The following DNAJC10 variants were observed in gnomAD, a reference collection of about 807,000 sequenced individuals.
DNAJC10 encodes the protein DnaJ heat shock protein family (Hsp40) member C10, also known as endoplasmic reticulum disulfide reductase DNAJC10.
In DNAJC10, 101 loss-of-function variants were observed where a neutral mutation model predicts 115.0. That is an observed-to-expected ratio of 0.88 (90% CI 0.75 to 1.04). DNAJC10 has a LOEUF of 1.04. Ranked by LOEUF, DNAJC10 falls within the 50% of genes least tolerant of loss-of-function variation. The probability of loss-of-function intolerance (pLI) is 0.00; values close to 1 mark genes in which losing one functional copy is unlikely to be tolerated. For synonymous variants in DNAJC10, 307 were observed against 301.5 expected, an observed-to-expected ratio of 1.02 and a Z score of -0.19; for missense variants, 981 against 928.8, an observed-to-expected ratio of 1.06 and a Z score of -0.73.
chr2:182,728,993 T>A lies in DNAJC10; in HGVS notation c.632T>A (p.Met211Lys). The A allele has an allele frequency of 1.3e-5, 21 of 1,613,886 alleles. No individual in the cohort carries two copies. The highest frequency in any genetic ancestry group is 1.8e-5 in the Non-Finnish European group (21 of 1,179,868). Residue 211 changes from methionine to lysine, a missense_variant and splice_region_variant, in exon 7 of 24, where the codon ATG becomes AAG. Physicochemically the swap from Met to Lys is moderately conservative, Grantham distance 95. Coordinates refer to ENST00000264065, the MANE Select transcript of DNAJC10 (RefSeq NM_018981.4). Reference sequence around the variant, plus strand: ...AGCCTCTTCATTTTTCGGTCTGGAATGGTAAGGGATAAAGTTAGCATTTTT... The same window carrying A: ...AGCCTCTTCATTTTTCGGTCTGGAAAGGTAAGGGATAAAGTTAGCATTTTT... ...YPSLFIFRSG[M>K]APVKYHGDRS...
At chr2:182,727,646 C>T (rs926839792) in intron 5 of DNAJC10, among the ~76,000 whole-genome samples, 3 of 152,110 alleles carry the variant, frequency 2.0e-5, no homozygotes, top group South Asian at 4.1e-4. Flanking sequence ...CTGAGTCCTG[C>T]ACCTGTTTCT....
intron 14 of DNAJC10, among the ~76,000 whole-genome samples, chr2:182,751,036 A>G (rs1187633311): frequency 6.6e-6 from 1 of 152,062 alleles, no homozygotes; most frequent in Non-Finnish European, 1.5e-5. Context: ...AGGCCATAGT[A>G]ATCACTGAAG....
intron 10 of DNAJC10, among the ~76,000 whole-genome samples, chr2:182,734,087 ATT>A (rs56088505): frequency 7.0e-6 from 1 of 142,724 alleles, no homozygotes. Context: ...AGCTTTATTG[ATT>A]TTTTTTTTTT....
chr2:182,737,258 T>C (rs1404023829), intron 11 of DNAJC10, among the ~76,000 whole-genome samples: 1 of 152,170 alleles, frequency 6.6e-6, no homozygotes, highest in African/African-American at 2.4e-5. Flanking sequence ...ATTGGATGGG[T>C]CACTACGGAA....
At chr2:182,759,487 C>T (rs1234919109) in intron 21 of DNAJC10, among the ~76,000 whole-genome samples, 180 bp downstream of exon 21, 3 of 151,998 alleles carry the variant, frequency 2.0e-5, no homozygotes, top group Non-Finnish European at 4.4e-5. Flanking sequence ...TTTGTTAAAG[C>T]TTTTAGCTAA....
intron 9 of DNAJC10, 27 bp downstream of exon 9, chr2:182,731,134 A>C: frequency 6.5e-7 from 1 of 1,548,668 alleles, no homozygotes; most frequent in Non-Finnish European, 8.9e-7. Context: ...ATTTTGTTGG[A>C]ATGAGAACAT....
chr2:182,720,280 C>T, intron 4 of DNAJC10, 111 bp downstream of exon 4: 2 of 868,554 alleles, frequency 2.3e-6, no homozygotes, highest in Non-Finnish European at 3.7e-6. Flanking sequence ...TTGATTAGCT[C>T]CTTTTAATTT....
At chr2:182,742,280 G>GT (rs750669813) in intron 13 of DNAJC10, among the ~76,000 whole-genome samples, 1 of 152,110 alleles carries the variant, frequency 6.6e-6, no homozygotes, top group Non-Finnish European at 1.5e-5. Context: ...AGCCTCATGG[G>GT]TTCAAGTGAT....
intron 5 of DNAJC10, among the ~76,000 whole-genome samples, chr2:182,724,210 A>G (rs1693225543): frequency 6.6e-6 from 1 of 152,186 alleles, no homozygotes; most frequent in Admixed American, 6.6e-5. Flanking sequence ...AAATCACTTT[A>G]TTTGAAAAGA....
At position 182,775,308 on chromosome 2, in the gene DNAJC10, A is replaced by G; in HGVS notation, c.2266-8A>G. On this transcript the variant is annotated splice_polypyrimidine_tract_variant and splice_region_variant and intron_variant, in intron 22 of 23. Coordinates refer to ENST00000264065, the MANE Select transcript of DNAJC10 (RefSeq NM_018981.4). ...TACTTAAAAGATAACAAGTGTTTTT[A>G]ATTTTAGAGAAATTTTCAAGAAGAG... is the stretch of plus-strand genomic sequence containing the variant. 1 of 1,553,886 alleles carries G rather than the reference A, an allele frequency of 6.4e-7. No homozygotes were observed. Among genetic ancestry groups the G allele is most frequent in the Non-Finnish European group, 8.9e-7 (1 of 1,128,826 alleles).
chr2:182,750,811 C>T (rs975385210), intron 14 of DNAJC10, among the ~76,000 whole-genome samples: 1 of 152,122 alleles, frequency 6.6e-6, no homozygotes, highest in Non-Finnish European at 1.5e-5. Flanking sequence ...ACAGCCACAC[C>T]ATCACTGAGC....
chr2:182,722,036 G>T lies in DNAJC10; in HGVS notation c.379G>T (p.Asp127Tyr). 1 of 1,543,492 alleles carries T rather than the reference G, an allele frequency of 6.5e-7. No homozygotes were observed. The highest frequency in any genetic ancestry group is 1.2e-5 in the South Asian group (1 of 80,238). ...YYRYDFGIYD[D>Y]DPEIITLERR... ...ACTTTTAAAATTAGGTATTTATGAT[G>T]ATGATCCTGAAATCATAACATTGGA... Residue 127 changes from aspartate (D) to tyrosine (Y), a missense_variant, in exon 5 of 24, where the codon GAT becomes TAT. Physicochemically the swap from Asp to Tyr is radical, Grantham distance 160 (BLOSUM62 -3). Coordinates refer to ENST00000264065, the MANE Select transcript of DNAJC10 (RefSeq NM_018981.4).
At position 182,781,364 on chromosome 2, in the gene DNAJC10, T is replaced by A. The variant is rs1229416786; in HGVS notation, c.*4232T>A. On this transcript the variant is annotated 3_prime_UTR_variant, in exon 24 of 24. Transcript: ENST00000264065. ...CCCGTTTCTTTATCCAGTCTAACAT[T>A]GATGGGCATTTTGGTTGGTTCCAAG... The A allele has an allele frequency of 2.0e-5, 3 of 152,216 alleles. No homozygotes were observed. Among genetic ancestry groups the A allele is most frequent in the African/African-American group, 7.2e-5 (3 of 41,448 alleles). The allele number at this position is 152,216 out of a possible 1,614,324, so 9.4% of individuals were successfully genotyped here.
chr2:182,769,828 A>C (rs1694513914), intron 22 of DNAJC10, among the ~76,000 whole-genome samples: 1 of 151,874 alleles, frequency 6.6e-6, no homozygotes, highest in South Asian at 2.1e-4. Context: ...GTTTAATTAG[A>C]TCCCATTTGT....
chr2:182,734,142 C>T (rs1429518319), intron 10 of DNAJC10, among the ~76,000 whole-genome samples: 12 of 146,068 alleles, frequency 8.2e-5, no homozygotes, highest in Non-Finnish European at 1.2e-4. Context: ...CACTATATTT[C>T]CTTCCCTCTA....
intron 14 of DNAJC10, 77 bp downstream of exon 14, chr2:182,743,789 CTT>C: frequency 9.5e-7 from 1 of 1,050,964 alleles, no homozygotes. Context: ...GCTTTTTAAA[CTT>C]ATTTTTTACG....
In DNAJC10 at chr2:182,794,393, G is replaced by A. The variant is rs779702285; in HGVS notation, c.*17261G>A. 6.6e-6 allele frequency: 1 copy of A among 152,168 alleles called. No homozygotes were observed. The highest frequency in any genetic ancestry group is 2.4e-5 in the African/African-American group (1 of 41,442). 9.4% of individuals were successfully genotyped at this position (152,168 alleles called of 1,614,324 possible). ...ATGTCATTCTAGATTTGATTCTACTGTTTGTCTTTGCAGTGAGCTATGTTT... is the reference window on the plus strand; with the variant it reads ...ATGTCATTCTAGATTTGATTCTACTATTTGTCTTTGCAGTGAGCTATGTTT... On this transcript the variant is annotated 3_prime_UTR_variant, in exon 24 of 24. Coordinates refer to ENST00000264065, the MANE Select transcript of DNAJC10 (RefSeq NM_018981.4).
rs1694021499 is a variant in DNAJC10 at position 182,751,659 on chromosome 2, A to T, written c.1308A>T (p.Gly436=). Residue 436 remains glycine, a splice_region_variant and synonymous_variant, in exon 15 of 24, where the codon GGA becomes GGT. Transcript: ENST00000264065. ...QGTKEYEIHH[G]KKILYDILAF... The stretch of plus-strand genomic sequence containing the variant: ...AATTTCTCTCATTCACTTTGAAAGG[A>T]AAGAAGATTCTATATGATATACTTG... 23 of 1,611,488 alleles carry T rather than the reference A, an allele frequency of 1.4e-5. No homozygotes were observed. The highest frequency in any genetic ancestry group is 1.8e-5 in the Non-Finnish European group (21 of 1,179,394).
chr2:182,751,991 G>A (rs1234889009), intron 15 of DNAJC10, 81 bp from the exon 16 acceptor site: 3 of 1,261,866 alleles, frequency 2.4e-6, no homozygotes, highest in Non-Finnish European at 3.4e-6. Context: ...GTCTTACTTA[G>A]CATATTACTT....
Sources: allele counts gnomAD v4.1 joint callset (sites outside exome capture counted in the v4.1 genomes callset), GRCh38; gene constraint gnomAD v4.1.1; transcripts MANE v1.5; gene names NCBI Gene and HGNC (gene_info 2026-07-23, HGNC 2026-07-21).